The following SNTG1 variants were observed in gnomAD, a reference collection of about 807,000 sequenced individuals.
SNTG1 encodes the protein gamma-1-syntrophin.
Under a neutral mutation model 74.7 loss-of-function variants are expected in SNTG1, and 39 were observed. That is an observed-to-expected ratio of 0.52 (90% CI 0.40 to 0.68). SNTG1 has a LOEUF of 0.68. SNTG1 is among the 30% of genes least tolerant of loss of function. The pLI is 0.00. For synonymous variants in SNTG1, 254 were observed against 217.1 expected (o/e 1.17, Z -1.49); for missense variants, 685 against 609.5 (o/e 1.12, Z -1.30).
intron 2 of SNTG1, among the ~76,000 whole-genome samples, chr8:50,182,337 A>T (rs1328236167): frequency 2.0e-5 from 3 of 152,192 alleles, no homozygotes; most frequent in African/African-American, 7.2e-5. Context: ...AGATAATGGC[A>T]GATCAACAAC....
chr8:50,315,585 G>C (rs1161143413), intron 2 of SNTG1, among the ~76,000 whole-genome samples: 1 of 149,954 alleles, frequency 6.7e-6, no homozygotes, highest in Non-Finnish European at 1.5e-5. Flanking sequence ...TGAGTGGAAT[G>C]ACAAAATGCA....
At chr8:50,255,959 C>G (rs2086860955) in intron 2 of SNTG1, among the ~76,000 whole-genome samples, 1 of 152,184 alleles carries the variant, frequency 6.6e-6, no homozygotes, top group Non-Finnish European at 1.5e-5. Flanking sequence ...TAAGACCTAT[C>G]ACAAGGTGTC....
At chr8:50,649,578 C>A (rs2095131769) in intron 13 of SNTG1, among the ~76,000 whole-genome samples, 1 of 152,266 alleles carries the variant, frequency 6.6e-6, no homozygotes, top group African/African-American at 2.4e-5. Flanking sequence ...AAATTTATCT[C>A]TTTCTGTCCT....
chr8:50,501,583 C>T (rs2093955998), intron 8 of SNTG1, among the ~76,000 whole-genome samples: 1 of 150,466 alleles, frequency 6.6e-6, no homozygotes, highest in African/African-American at 2.4e-5. Context: ...TTACAGACGC[C>T]TGCCACGAAG....
chr8:50,053,617 A>G (rs1819763812), intron 1 of SNTG1, among the ~76,000 whole-genome samples: 1 of 70,810 alleles, frequency 1.4e-5, no homozygotes, highest in Non-Finnish European at 2.6e-5. Flanking sequence ...ATATAAATAT[A>G]TATAATTGTG....
chr8:50,150,603 AG>A (rs1185087829), intron 1 of SNTG1, among the ~76,000 whole-genome samples: 2 of 152,186 alleles, frequency 1.3e-5, no homozygotes, highest in East Asian at 3.8e-4. Flanking sequence ...TTTAGCATGA[AG>A]GGTTGTTGAA....
intron 1 of SNTG1, among the ~76,000 whole-genome samples, chr8:49,917,923 G>C (rs1806186584): frequency 6.6e-6 from 1 of 151,990 alleles, no homozygotes; most frequent in African/African-American, 2.4e-5. Flanking sequence ...ACTGAAAATA[G>C]AGAATTTTGT....
chr8:50,777,377 GTTCTC>G (rs1472076664), intron 18 of SNTG1, among the ~76,000 whole-genome samples: 2 of 150,128 alleles, frequency 1.3e-5, no homozygotes, highest in Admixed American at 6.6e-5. Flanking sequence ...TGACTCTTCT[GTTCTC>G]TTCTTTCTGC....
chr8:50,096,092 C>A (rs1348993747), intron 1 of SNTG1, among the ~76,000 whole-genome samples: 4 of 151,960 alleles, frequency 2.6e-5, no homozygotes, highest in Admixed American at 2.0e-4. Flanking sequence ...CATTTTAAAT[C>A]TTTATAATGA....
chr8:50,103,227 T>C (rs2080219514), intron 1 of SNTG1, among the ~76,000 whole-genome samples: 1 of 152,228 alleles, frequency 6.6e-6, no homozygotes, highest in African/African-American at 2.4e-5. Flanking sequence ...GTATCCTCTT[T>C]TATTTCATTG....
intron 1 of SNTG1, among the ~76,000 whole-genome samples, chr8:50,171,729 A>G (rs2082814551): frequency 6.6e-6 from 1 of 152,132 alleles, no homozygotes; most frequent in Admixed American, 6.5e-5. Context: ...ATTTTGAGGG[A>G]GCTTCTTAAA....
chr8:50,292,961 C>T (rs139477324), intron 2 of SNTG1, among the ~76,000 whole-genome samples: 10 of 151,962 alleles, frequency 6.6e-5, no homozygotes. Context: ...GATCCAAGGA[C>T]CTGAGGGAAG....
chr8:50,397,698 C>T (rs1218898306), intron 3 of SNTG1, among the ~76,000 whole-genome samples: 6 of 152,178 alleles, frequency 3.9e-5, no homozygotes, highest in Non-Finnish European at 7.3e-5. Flanking sequence ...CCATAATGCT[C>T]TCCAGTGAAA....
At chr8:50,387,122 C>T (rs1023501594) in intron 2 of SNTG1, among the ~76,000 whole-genome samples, 2 of 152,168 alleles carry the variant, frequency 1.3e-5, no homozygotes, top group African/African-American at 4.8e-5. Flanking sequence ...AGTTAAGCTA[C>T]TCTGATTACT....
chr8:50,598,390 A>G (rs1235345347), intron 13 of SNTG1, among the ~76,000 whole-genome samples: 1 of 151,924 alleles, frequency 6.6e-6, no homozygotes, highest in African/African-American at 2.4e-5. Flanking sequence ...TGTTGGCTAT[A>G]AGTGTATTGA....
intron 1 of SNTG1, among the ~76,000 whole-genome samples, chr8:49,957,690 C>A (rs1563394546): frequency 6.6e-6 from 1 of 152,190 alleles, no homozygotes; most frequent in Admixed American, 6.5e-5. Flanking sequence ...CAGATGCTTA[C>A]CTTCCCCTTT....
intron 4 of SNTG1, among the ~76,000 whole-genome samples, chr8:50,430,785 A>G (rs1226998253): frequency 3.3e-5 from 5 of 152,198 alleles, no homozygotes; most frequent in Non-Finnish European, 7.3e-5. Context: ...CAGAAAAGGC[A>G]AGAATGACAT....
At chr8:50,393,764 G>A (rs1488572355) in intron 2 of SNTG1, among the ~76,000 whole-genome samples, 1 of 152,138 alleles carries the variant, frequency 6.6e-6, no homozygotes, top group East Asian at 1.9e-4. Flanking sequence ...CATGCATGTA[G>A]CTTTTTAATT....
At chr8:50,619,262 AT>A (rs1563654616) in intron 13 of SNTG1, among the ~76,000 whole-genome samples, 1 of 152,216 alleles carries the variant, frequency 6.6e-6, no homozygotes, top group African/African-American at 2.4e-5. Context: ...GAATATTTTA[AT>A]TTTTATGATA....
Sources: allele counts gnomAD v4.1 joint callset (sites outside exome capture counted in the v4.1 genomes callset), GRCh38; gene constraint gnomAD v4.1.1; transcripts MANE v1.5; gene names NCBI Gene and HGNC (gene_info 2026-07-23, HGNC 2026-07-21).